Variants in FAM107B observed in about 807,000 individuals in gnomAD.
The protein encoded by FAM107B is protein FAM107B.
A neutral mutation model predicts 31.5 loss-of-function variants in FAM107B; 21 were observed. The observed-to-expected ratio is 0.67, with a 90% CI of 0.47 to 0.96. The LOEUF (loss-of-function observed/expected upper bound fraction) is 0.96, where lower values mean the gene tolerates loss of function less well. Ranked by LOEUF, FAM107B falls within the 40% of genes least tolerant of loss-of-function variation. The pLI, the probability that FAM107B is intolerant of heterozygous loss-of-function variation, is 0.00. For missense variants in FAM107B, 452 were observed against 377.1 expected, an observed-to-expected ratio of 1.20 and a Z score of -1.64; for synonymous variants, 157 against 141.5, an observed-to-expected ratio of 1.11 and a Z score of -0.78.
intron 1 of FAM107B, among the ~76,000 whole-genome samples, chr10:14,668,610 A>C (rs1334350190): frequency 6.6e-6 from 1 of 152,244 alleles, no homozygotes; most frequent in African/African-American, 2.4e-5. Context: ...AGGAATATCT[A>C]AATGATCCTT....
chr10:14,540,489 G>T (rs1342022392), intron 2 of FAM107B, among the ~76,000 whole-genome samples: 1 of 152,192 alleles, frequency 6.6e-6, no homozygotes, highest in Non-Finnish European at 1.5e-5. Context: ...TGGGTCTGGG[G>T]CTGGTATTTC....
rs375693237 is a variant in FAM107B, at chr10:14,774,679, A to G, written c.-16T>C. On this transcript the variant is annotated 5_prime_UTR_variant, in exon 1 of 5. The change abolishes an upstream ATG in the 5' untranslated region. Coordinates refer to ENST00000181796, the MANE Select transcript of FAM107B (RefSeq NM_031453.4). ...ACGTGGACATGACTTGCAGTGAATC[A>G]TTGCAAAGTTCAAACGGGGCAAGGA... 6.2e-7 allele frequency: 1 copy of G among 1,604,928 alleles called. No homozygotes were observed. The highest frequency in any genetic ancestry group is 1.3e-5 in the African/African-American group (1 of 74,772).
At chr10:14,743,140 A>C (rs1832655204) in intron 1 of FAM107B, among the ~76,000 whole-genome samples, 1 of 151,814 alleles carries the variant, frequency 6.6e-6, no homozygotes, top group African/African-American at 2.4e-5. Flanking sequence ...GCTTTTTTTC[A>C]TATGTTTGTT....
At chr10:14,659,538 CT>C (rs1222744538) in intron 2 of FAM107B, among the ~76,000 whole-genome samples, 1 of 152,202 alleles carries the variant, frequency 6.6e-6, no homozygotes, top group Non-Finnish European at 1.5e-5. Flanking sequence ...AGTTTCCCTT[CT>C]TTTTTTCTCA....
intron 3 of FAM107B, among the ~76,000 whole-genome samples, chr10:14,529,365 G>A (rs1056891695): frequency 6.6e-6 from 1 of 152,138 alleles, no homozygotes; most frequent in Non-Finnish European, 1.5e-5. Flanking sequence ...AGGGAGAAAC[G>A]TATTTACAAA....
intron 2 of FAM107B, among the ~76,000 whole-genome samples, chr10:14,662,984 A>G (rs367649851): frequency 6.6e-6 from 1 of 152,354 alleles, no homozygotes; most frequent in East Asian, 1.9e-4. Context: ...GAATAAAAGC[A>G]GGAAGAAGAA....
At chr10:14,690,676 T>A (rs1855112441) in intron 1 of FAM107B, among the ~76,000 whole-genome samples, 1 of 152,036 alleles carries the variant, frequency 6.6e-6, no homozygotes, top group South Asian at 2.1e-4. Context: ...ATGGTCTCGA[T>A]CTCCTGACCT....
intron 1 of FAM107B, among the ~76,000 whole-genome samples, chr10:14,716,548 T>C (rs1855782919): frequency 6.6e-6 from 1 of 152,182 alleles, no homozygotes; most frequent in African/African-American, 2.4e-5. Context: ...ACAGGCTACT[T>C]GTGAGAAGTG....
intron 2 of FAM107B, among the ~76,000 whole-genome samples, chr10:14,599,856 A>G (rs1433155788): frequency 6.7e-6 from 1 of 148,970 alleles, no homozygotes; most frequent in Non-Finnish European, 1.5e-5. Flanking sequence ...TGATCTACAA[A>G]AAAAAAAAAA....
At chr10:14,687,119 T>G (rs1855008942) in intron 1 of FAM107B, among the ~76,000 whole-genome samples, 1 of 152,226 alleles carries the variant, frequency 6.6e-6, no homozygotes, top group South Asian at 2.1e-4. Context: ...AAAGTTGTTT[T>G]CTAAATAATG....
At chr10:14,751,243 T>C (rs954771366) in intron 1 of FAM107B, among the ~76,000 whole-genome samples, 2 of 152,206 alleles carry the variant, frequency 1.3e-5, no homozygotes, top group Admixed American at 1.3e-4. Context: ...GGGTTTCCAA[T>C]GCAACTCTTC....
chr10:14,682,881 A>G (rs940316157), intron 1 of FAM107B, among the ~76,000 whole-genome samples: 1 of 152,090 alleles, frequency 6.6e-6, no homozygotes, highest in East Asian at 1.9e-4. Flanking sequence ...CCCATAACTT[A>G]AAGTATAATA....
intron 1 of FAM107B, among the ~76,000 whole-genome samples, chr10:14,766,694 A>T (rs1341255759): frequency 6.6e-6 from 1 of 151,830 alleles, no homozygotes; most frequent in East Asian, 1.9e-4. Context: ...TGGTACTTAT[A>T]ATGGCCATAG....
chr10:14,527,140 CTTAA>C (rs906355809), intron 3 of FAM107B, among the ~76,000 whole-genome samples: 1 of 150,606 alleles, frequency 6.6e-6, no homozygotes, highest in Non-Finnish European at 1.5e-5. Flanking sequence ...CCCAGCCCTT[CTTAA>C]TTGTTTTTTT....
chr10:14,699,823 G>A (rs1177579530), intron 1 of FAM107B, among the ~76,000 whole-genome samples: 3 of 152,252 alleles, frequency 2.0e-5, no homozygotes, highest in Non-Finnish European at 4.4e-5. Flanking sequence ...TGGAGCAAAA[G>A]GATTGTCCAT....
intron 3 of FAM107B, among the ~76,000 whole-genome samples, chr10:14,525,528 C>T (rs1267612745): frequency 6.6e-6 from 1 of 152,126 alleles, no homozygotes; most frequent in Non-Finnish European, 1.5e-5. Context: ...AACAGTGGCC[C>T]CAAAATTATG....
intron 1 of FAM107B, among the ~76,000 whole-genome samples, chr10:14,716,582 C>G (rs880068): frequency 0.71 from 108,759 of 152,134 alleles, 39,482 homozygotes; most frequent in African/African-American, 0.86. Flanking sequence ...GCCTCATAGA[C>G]AGTGAGCTGG....
At chr10:14,634,948 G>A (rs1853459105) in intron 2 of FAM107B, among the ~76,000 whole-genome samples, 1 of 152,070 alleles carries the variant, frequency 6.6e-6, no homozygotes, top group South Asian at 2.1e-4. Context: ...AATTAGCCAG[G>A]CATGGTGGTG....
chr10:14,574,602 T>C (rs1411500153), intron 2 of FAM107B, among the ~76,000 whole-genome samples: 2 of 152,176 alleles, frequency 1.3e-5, no homozygotes, highest in East Asian at 3.8e-4. Context: ...GGACCACAAT[T>C]GGCCAAGAGA....
Sources: allele counts gnomAD v4.1 joint callset (sites outside exome capture counted in the v4.1 genomes callset), GRCh38; gene constraint gnomAD v4.1.1; transcripts MANE v1.5; gene names NCBI Gene and HGNC (gene_info 2026-07-23, HGNC 2026-07-21).